GJA4: variants seen among roughly 807,000 people sequenced by gnomAD.
GJA4 encodes gap junction protein alpha 4, also known as gap junction alpha-4 protein.
In GJA4, 13 loss-of-function variants were observed where a neutral mutation model predicts 25.1. That is an observed-to-expected ratio of 0.52 (90% CI 0.34 to 0.82). The LOEUF (loss-of-function observed/expected upper bound fraction) is 0.82. Ranked by LOEUF, GJA4 falls within the 40% of genes least tolerant of loss-of-function variation. GJA4 has a pLI of 0.02. For synonymous variants in GJA4, 167 were observed against 193.9 expected, an observed-to-expected ratio of 0.86 and a Z score of 1.15; for missense variants, 357 against 443.5, an observed-to-expected ratio of 0.80 and a Z score of 1.75.
In GJA4 at chr1:34,794,544, G is replaced by A; in HGVS notation, c.331G>A (p.Gly111Arg). 13 of 1,611,476 alleles carry A rather than the reference G, an allele frequency of 8.1e-6. No homozygotes were observed. The highest frequency in any genetic ancestry group is 1.1e-5 in the Non-Finnish European group (13 of 1,180,018). Reference protein sequence around the residue: ...RREERLRQKEGELRALPAKDP... With the variant: ...RREERLRQKERELRALPAKDP... ...AGAAGAGCGGCTGCGGCAGAAGGAG[G>A]GGGAGCTGCGGGCACTGCCGGCCAA... is the stretch of plus-strand genomic sequence containing the variant. Residue 111 changes from glycine to arginine, a missense_variant, in exon 2 of 2, where the codon GGG (glycine) becomes AGG (arginine). Around this residue, in one of 2 missense-constraint regions of GJA4, gnomAD observed 79 missense variants for 145.4 expected, o/e 0.54. Transcript: ENST00000342280. This position sits in a 1 kb window ranked among gnomAD's most constrained non-coding sequence, Gnocchi z 7.8.
intron 1 of GJA4, chr1:34,793,978 G>C (rs1338750718): frequency 6.9e-6 from 4 of 582,334 alleles, no homozygotes; most frequent in Admixed American, 6.1e-5. Flanking sequence ...AGCCAAAGCA[G>C]AATGAGACCA....
In GJA4 at chr1:34,795,201, A is replaced by C. The variant is rs1355911893; in HGVS notation, c.988A>C (p.Lys330Gln). Reference sequence around the variant, plus strand: ...TCGTCCCAGCAGCTCTGCTTCTAAGAAGCAGTATGTATAGAGGCCTGTGGC... The same window carrying C: ...TCGTCCCAGCAGCTCTGCTTCTAAGCAGCAGTATGTATAGAGGCCTGTGGC... ...PSRPSSSASK[K>Q]QYV The change falls in exon 2 of 2, where the codon AAG (lysine) becomes CAG (glutamine). Residue 330 changes from lysine (K) to glutamine (Q), a missense_variant. Coordinates refer to ENST00000342280, the MANE Select transcript of GJA4 (RefSeq NM_002060.3). 3.5e-5 allele frequency: 57 copies of C among 1,609,448 alleles called. No individual in the cohort carries two copies. The highest frequency in any genetic ancestry group is 4.3e-5 in the Non-Finnish European group (51 of 1,177,608).
chr1:34,793,164 C>T (rs560986005), intron 1 of GJA4, 96 bp downstream of exon 1: 23 of 248,120 alleles, frequency 9.3e-5, no homozygotes, highest in African/African-American at 5.4e-4. Context: ...GGGGTTGCTG[C>T]GGAACGCCCG....
intron 1 of GJA4, among the ~76,000 whole-genome samples, chr1:34,793,722 C>T (rs973160335): frequency 3.9e-5 from 6 of 152,106 alleles, no homozygotes; most frequent in Non-Finnish European, 7.4e-5. Context: ...AGGCTTTGAG[C>T]CCCCTAAGAA....
Position 34,794,873 on chromosome 1 carries a change from C to T in GJA4, c.660C>T (p.Ser220=). The change falls in exon 2 of 2, where the codon TCC becomes TCT. Residue 220 remains serine (S), a synonymous_variant. Transcript: ENST00000342280. The surrounding 1 kb of genome is among the most constrained non-coding windows in gnomAD (Gnocchi z 7.8). ...TCATGTTGGTGGTTGGACTCATCTC[C>T]CTGGTGCTTAACCTGCTGGAGTTGG... is the stretch of plus-strand genomic sequence containing the variant. The part of the protein sequence containing the change: ...IIFMLVVGLI[S]LVLNLLELVH... 1.2e-6 allele frequency: 2 copies of T among 1,614,196 alleles called. No individual in the cohort carries two copies. The highest frequency in any genetic ancestry group is 1.7e-5 in the Admixed American group (1 of 60,026).
Position 34,794,736 on chromosome 1 carries a change from C to T in GJA4, c.523C>T (p.Arg175Cys), listed in dbSNP as rs985701742. ...LEAGFLYGQW[R>C]LYGWTMEPVF... ...GGCAGGCTTCCTCTATGGCCAGTGG[C>T]GCCTGTACGGCTGGACCATGGAGCC... is the stretch of plus-strand genomic sequence containing the variant. The change falls in exon 2 of 2, where the codon CGC (arginine) becomes TGC (cysteine). Residue 175 changes from arginine to cysteine, a missense_variant. Arg to Cys is a radical substitution (Grantham distance 180, BLOSUM62 -3). Coordinates refer to ENST00000342280, the MANE Select transcript of GJA4 (RefSeq NM_002060.3). The surrounding 1 kb of genome is among the most constrained non-coding windows in gnomAD (Gnocchi z 7.8). The T allele has an allele frequency of 1.7e-5, 28 of 1,613,482 alleles. No individual in the cohort carries two copies. Among genetic ancestry groups the T allele is most frequent in the Middle Eastern group, 1.6e-4 (1 of 6,082 alleles).
In GJA4 at chr1:34,794,304, A is replaced by G; in HGVS notation, c.91A>G (p.Ile31Val). Residue 31 changes from isoleucine (I) to valine (V), a missense_variant, in exon 2 of 2, where the codon ATC becomes GTC. Physicochemically the swap from Ile to Val is conservative, Grantham distance 29. This residue lies in a region of GJA4 where 79 missense variants were observed against 145.4 expected (regional missense o/e 0.54). Transcript: ENST00000342280. This position sits in a 1 kb window ranked among gnomAD's most constrained non-coding sequence, Gnocchi z 7.8. ...TAAGATCTGGCTGACGGTGCTCTTC[A>G]TCTTCCGCATCCTCATCCTGGGCCT... ...VGKIWLTVLF[I>V]FRILILGLAG... 6.2e-7 allele frequency: 1 copy of G among 1,614,140 alleles called. No homozygotes were observed. The highest frequency in any genetic ancestry group is 2.2e-5 in the East Asian group (1 of 44,866).
chr1:34,793,304 C>A (rs1418902224), intron 1 of GJA4, among the ~76,000 whole-genome samples: 2 of 152,230 alleles, frequency 1.3e-5, no homozygotes, highest in Admixed American at 1.3e-4. Context: ...GACTGAGGGG[C>A]CCAGAGGTTG....
chr1:34,793,397 G>C (rs749116062), intron 1 of GJA4, among the ~76,000 whole-genome samples: 6 of 152,236 alleles, frequency 3.9e-5, no homozygotes, highest in Non-Finnish European at 7.3e-5. Flanking sequence ...AAACAGCTTT[G>C]CACTTGGGAA....
Position 34,795,174 on chromosome 1 carries a change from A to G in GJA4, c.961A>G (p.Ser321Gly). The G allele has an allele frequency of 6.2e-7, 1 of 1,613,054 alleles. No individual in the cohort carries two copies. Among genetic ancestry groups the G allele is most frequent in the Non-Finnish European group, 8.5e-7 (1 of 1,179,326 alleles). ...CCCTCAGAATGGCCAAAAACCCCCAAGTCGTCCCAGCAGCTCTGCTTCTAA... is the reference window on the plus strand; with the variant it reads ...CCCTCAGAATGGCCAAAAACCCCCAGGTCGTCCCAGCAGCTCTGCTTCTAA... ...PPPQNGQKPPSRPSSSASKKQ... is the reference protein window; with the variant it reads ...PPPQNGQKPPGRPSSSASKKQ... The change falls in exon 2 of 2, where the codon AGT (serine) becomes GGT (glycine). Residue 321 changes from serine to glycine, a missense_variant. Coordinates refer to ENST00000342280, the MANE Select transcript of GJA4 (RefSeq NM_002060.3).
Position 34,793,006 on chromosome 1 carries a change from C to T in GJA4, c.-80C>T, listed in dbSNP as rs1571584516. 2.9e-6 allele frequency: 1 copy of T among 348,526 alleles called. No individual in the cohort carries two copies. The highest frequency in any genetic ancestry group is 7.6e-5 in the East Asian group (1 of 13,208). 21.6% of individuals were successfully genotyped at this position (348,526 alleles called of 1,614,324 possible). A position where few individuals can be genotyped will look rare whatever the true frequency, so the allele number is the denominator to read the frequency against. On this transcript the variant is annotated 5_prime_UTR_variant, in exon 1 of 2. Transcript: ENST00000342280. ...CCGCCGCTCGTGCGGTCCAGCAGGG[C>T]TCCCGCGGGCGTCACTCCGGCCATC...
In GJA4 at chr1:34,794,580, G is replaced by C. The variant is rs1439798217; in HGVS notation, c.367G>C (p.Val123Leu). The C allele has an allele frequency of 6.2e-7, 1 of 1,608,310 alleles. No homozygotes were observed. Among genetic ancestry groups the C allele is most frequent in the African/African-American group, 1.3e-5 (1 of 75,052 alleles). The change falls in exon 2 of 2, where the codon GTG (valine) becomes CTG (leucine). Residue 123 changes from valine to leucine, a missense_variant. Coordinates refer to ENST00000342280, the MANE Select transcript of GJA4 (RefSeq NM_002060.3). This position sits in a 1 kb window ranked among gnomAD's most constrained non-coding sequence, Gnocchi z 7.8. ...LRALPAKDPQ[V>L]ERALAAVERQ... ...GGCACTGCCGGCCAAGGACCCACAGGTGGAGCGGGCGCTGGCGGCCGTAGA... is the reference window on the plus strand; with the variant it reads ...GGCACTGCCGGCCAAGGACCCACAGCTGGAGCGGGCGCTGGCGGCCGTAGA...
intron 1 of GJA4, 121 bp downstream of exon 1, chr1:34,793,189 C>T (rs890209757): frequency 3.2e-5 from 8 of 252,078 alleles, no homozygotes; most frequent in South Asian, 1.8e-4. Flanking sequence ...GACAGAGCCG[C>T]GCTCACCCAG....
At position 34,795,058 on chromosome 1, in the gene GJA4, A is replaced by G. The variant is rs1441360591; in HGVS notation, c.845A>G (p.Asn282Ser). 9 of 1,613,462 alleles carry G rather than the reference A, an allele frequency of 5.6e-6. No individual in the cohort carries two copies. The highest frequency in any genetic ancestry group is 4.5e-5 in the East Asian group (2 of 44,846). Residue 282 changes from asparagine (N) to serine (S), a missense_variant, in exon 2 of 2, where the codon AAT becomes AGT. By Grantham distance (46) the Asn-to-Ser change is conservative. Coordinates refer to ENST00000342280, the MANE Select transcript of GJA4 (RefSeq NM_002060.3). ...TCATCCCCACCATGCCCCACCTACA[A>G]TGGGCTCTCATCCAGTGAGCAGAAC... ...GPSSPPCPTY[N>S]GLSSSEQNWA... is the part of the protein sequence containing the mutation.
Position 34,794,462 on chromosome 1 carries a change from C to T in GJA4, c.249C>T (p.Leu83=), listed in dbSNP as rs1640244873. 7 of 1,614,220 alleles carry T rather than the reference C, an allele frequency of 4.3e-6. No homozygotes were observed. The highest frequency in any genetic ancestry group is 5.9e-6 in the Non-Finnish European group (7 of 1,180,048). ...TCCGCTACTGGGTGCTGCAGTTCCT[C>T]TTCGTCAGCACACCCACCCTGGTCT... ...SHIRYWVLQF[L]FVSTPTLVYL... Residue 83 remains leucine (L), a synonymous_variant, in exon 2 of 2, where the codon CTC becomes CTT. Coordinates refer to ENST00000342280, the MANE Select transcript of GJA4 (RefSeq NM_002060.3). This position sits in a 1 kb window ranked among gnomAD's most constrained non-coding sequence, Gnocchi z 7.8.
In GJA4 at chr1:34,794,308, TC is replaced by T. The variant is rs757137129; in HGVS notation, c.97del (p.Arg33AlafsTer98). On this transcript the variant is annotated frameshift_variant, in exon 2 of 2. Coordinates refer to ENST00000342280, the MANE Select transcript of GJA4 (RefSeq NM_002060.3). LOFTEE classifies it high-confidence loss of function. The surrounding 1 kb of genome is among the most constrained non-coding windows in gnomAD (Gnocchi z 7.8). ...ATCTGGCTGACGGTGCTCTTCATCTTCCGCATCCTCATCCTGGGCCTGGCCG... is the reference window on the plus strand; with the variant it reads ...ATCTGGCTGACGGTGCTCTTCATCTTCGCATCCTCATCCTGGGCCTGGCCG... ...GKIWLTVLFIFRILILGLAGE... is the reference protein window; with the variant it reads ...GKIWLTVLFIXRILILGLAGE... 53 of 1,614,134 alleles carry T rather than the reference TC, an allele frequency of 3.3e-5. 1 individual carries two copies. The South Asian group carries it at 5.6e-4, about 17-fold the overall frequency.
In GJA4 at chr1:34,795,425, G is replaced by A. The variant is rs1640282513; in HGVS notation, c.*210G>A. 3.6e-6 allele frequency: 2 copies of A among 554,312 alleles called. No homozygotes were observed. The highest frequency in any genetic ancestry group is 6.5e-6 in the Non-Finnish European group (2 of 306,068). The allele number at this position is 554,312 out of a possible 1,614,324, so 34.3% of individuals were successfully genotyped here. ...ACTACGGCTTCCTCTCCAGAATGTG[G>A]CTTTGCCTGAGCACAGACAGAGTCA... On this transcript the variant is annotated 3_prime_UTR_variant, in exon 2 of 2. Coordinates refer to ENST00000342280, the MANE Select transcript of GJA4 (RefSeq NM_002060.3).
In GJA4 at chr1:34,794,963, G is replaced by C. The variant is rs760360924; in HGVS notation, c.750G>C (p.Pro250=). ...CACGGCAAGGCCAAGACGCACCCCC[G>C]ACCCAGGGCACCTCCTCAGACCCTT... ...MRARQGQDAP[P]TQGTSSDPYT... The change falls in exon 2 of 2, where the codon CCG becomes CCC. Residue 250 remains proline (P), a synonymous_variant. Coordinates refer to ENST00000342280, the MANE Select transcript of GJA4 (RefSeq NM_002060.3). This position sits in a 1 kb window ranked among gnomAD's most constrained non-coding sequence, Gnocchi z 7.8. 6.2e-7 allele frequency: 1 copy of C among 1,614,042 alleles called. No individual in the cohort carries two copies. Among genetic ancestry groups the C allele is most frequent in the East Asian group, 2.2e-5 (1 of 44,850 alleles).
rs181609442 is a variant in GJA4 at position 34,794,597 on chromosome 1, G to A, written c.384G>A (p.Ala128=). ...ACCCACAGGTGGAGCGGGCGCTGGC[G>A]GCCGTAGAGCGTCAGATGGCCAAGA... is the stretch of plus-strand genomic sequence containing the variant. ...AKDPQVERAL[A]AVERQMAKIS... The change falls in exon 2 of 2, where the codon GCG becomes GCA. Residue 128 remains alanine, a synonymous_variant. Transcript: ENST00000342280. The surrounding 1 kb of genome is among the most constrained non-coding windows in gnomAD (Gnocchi z 7.8). 53 of 1,606,388 alleles carry A rather than the reference G, an allele frequency of 3.3e-5. No homozygotes were observed. Among genetic ancestry groups the A allele is most frequent in the South Asian group, 2.5e-4 (23 of 91,058 alleles).
Sources: allele counts gnomAD v4.1 joint callset (sites outside exome capture counted in the v4.1 genomes callset), GRCh38; gene constraint gnomAD v4.1.1; regional missense constraint gnomAD v4.1.1; non-coding constraint Gnocchi (gnomAD v3.1); transcripts MANE v1.5; gene names NCBI Gene and HGNC (gene_info 2026-07-23, HGNC 2026-07-21).